Variants in TDRD9 observed in about 807,000 individuals in gnomAD.
The protein encoded by TDRD9 is tudor domain containing 9.
A neutral mutation model predicts 172.6 loss-of-function variants in TDRD9; 124 were observed. The ratio of observed to expected loss-of-function variants is 0.72; its 90% CI spans 0.62 to 0.83. The LOEUF (loss-of-function observed/expected upper bound fraction) is 0.83, where lower values mean the gene tolerates loss of function less well. Among genes scored for constraint, TDRD9 ranks in the 40% least tolerant of loss-of-function variants. The pLI, the probability that TDRD9 is intolerant of heterozygous loss-of-function variation, is 0.00. For synonymous variants in TDRD9, 619 were observed against 617.1 expected (o/e 1.00, Z -0.05); for missense variants, 1,479 against 1,714.1 (o/e 0.86, Z 2.42).
At chr14:103,941,669 C>A in intron 1 of TDRD9, 1 of 1,520,578 alleles carries the variant, frequency 6.6e-7, no homozygotes, top group South Asian at 1.2e-5. Flanking sequence ...CGTTTTTGGG[C>A]CATTTCATCC....
chr14:104,031,607 G>A (rs1009395563), intron 29 of TDRD9, among the ~76,000 whole-genome samples: 2 of 151,026 alleles, frequency 1.3e-5, no homozygotes, highest in African/African-American at 2.4e-5. Context: ...GGTGCTGCCC[G>A]CCTGCTTGGA....
chr14:104,050,169 C>T (rs1282270983), intron 35 of TDRD9, among the ~76,000 whole-genome samples: 1 of 152,174 alleles, frequency 6.6e-6, no homozygotes, highest in Non-Finnish European at 1.5e-5. Flanking sequence ...TTTGTGGGTC[C>T]TTGTGAGGAC....
intron 2 of TDRD9, among the ~76,000 whole-genome samples, chr14:103,960,176 G>A (rs1357662903): frequency 1.3e-5 from 2 of 152,212 alleles, no homozygotes; most frequent in South Asian, 2.1e-4. Context: ...CAGTAATCCA[G>A]TAATTAAAAT....
In TDRD9 at chr14:104,037,151, T is replaced by G. The variant is rs147047376; in HGVS notation, c.3716+2095T>G. Among the ~76,000 whole-genome samples the G allele has an allele frequency of 7.7e-3, 1,176 of 152,276 alleles. 14 individuals carry two copies. The highest frequency in any genetic ancestry group is 0.027 in the African/African-American group (1,107 of 41,548). ...CTTTCACTTTAAATATGCAGTCTTC[T>G]GCAGCGAGCAGGAGGGGGGTCTTCA... On this transcript the variant is annotated intron_variant, in intron 32 of 35. Transcript: ENST00000409874.
At chr14:104,033,357 G>C (rs2035344648) in intron 30 of TDRD9, among the ~76,000 whole-genome samples, 1 of 152,212 alleles carries the variant, frequency 6.6e-6, no homozygotes, top group Non-Finnish European at 1.5e-5. Flanking sequence ...TCCTCAGGCA[G>C]TATTGTGCTT....
At position 104,031,998 on chromosome 14, in the gene TDRD9, C is replaced by T. The variant is rs200327948; in HGVS notation, c.3439-19C>T. On this transcript the variant is annotated intron_variant, in intron 29 of 35. Transcript: ENST00000409874. ...TTATCTTGCTTATTGGTAACACTTC[C>T]TATATTTTGTGCACGCAGGCAGAAC... 5,074 of 1,528,368 alleles carry T rather than the reference C, an allele frequency of 3.3e-3. 16 individuals carry two copies. Among genetic ancestry groups the T allele is most frequent in the Non-Finnish European group, 3.6e-3 (4,043 of 1,133,246 alleles). The allele number at this position is 1,528,368 out of a possible 1,614,324, so 94.7% of individuals were successfully genotyped here.
intron 7 of TDRD9, among the ~76,000 whole-genome samples, chr14:103,986,014 A>G (rs2033645835): frequency 6.6e-6 from 1 of 152,326 alleles, no homozygotes; most frequent in South Asian, 2.1e-4. Context: ...ATTGATGAGT[A>G]TGGCACTTTA....
At chr14:103,970,689 C>A (rs1404738414) in intron 6 of TDRD9, 68 bp downstream of exon 6, 9 of 1,306,130 alleles carry the variant, frequency 6.9e-6, no homozygotes, top group Non-Finnish European at 9.7e-6. Context: ...TTGTTTCTCT[C>A]TATAGTCTGT....
Position 104,005,379 on chromosome 14 carries a change from G to T in TDRD9, c.1687G>T (p.Glu563Ter). ...TTCCCCGCCTGGTCTGAGTGACATT[G>T]AGCGCACCATCCTTCTACTAAAGGA... is the stretch of plus-strand genomic sequence containing the variant. ...ALSPPGLSDI[E>*]RTILLLKEVG... The change falls in exon 15 of 36, where the codon GAG (glutamate) becomes TAG (stop). Residue 563 changes from glutamate to a stop codon, truncating the protein, a stop_gained. Coordinates refer to ENST00000409874, the MANE Select transcript of TDRD9 (RefSeq NM_153046.3). LOFTEE classifies it high-confidence loss of function. 1 of 1,613,944 alleles carries T rather than the reference G, an allele frequency of 6.2e-7. No homozygotes were observed. Among genetic ancestry groups the T allele is most frequent in the South Asian group, 1.1e-5 (1 of 91,064 alleles).
Position 104,026,987 on chromosome 14 carries a change from CG to C in TDRD9, c.3282+52del, listed in dbSNP as rs749520118. ...GAGCACGCGTTTGTGTGAGAGAGAA[CG>C]GGGCAGGCTTTCCTTCCTCTGTGGA... On this transcript the variant is annotated intron_variant, in intron 28 of 35. Coordinates refer to ENST00000409874, the MANE Select transcript of TDRD9 (RefSeq NM_153046.3). The C allele has an allele frequency of 1.9e-6, 3 of 1,588,590 alleles. No individual in the cohort carries two copies. In the South Asian group the frequency reaches 3.4e-5, roughly 18 times the overall value.
intron 23 of TDRD9, among the ~76,000 whole-genome samples, chr14:104,019,676 C>T (rs538481214): frequency 6.6e-6 from 1 of 152,232 alleles, no homozygotes; most frequent in African/African-American, 2.4e-5. Flanking sequence ...GCAGGGGTGA[C>T]TTCATGTAGA....
At chr14:103,957,126 A>G (rs2032286921) in intron 2 of TDRD9, among the ~76,000 whole-genome samples, 1 of 152,158 alleles carries the variant, frequency 6.6e-6, no homozygotes, top group Non-Finnish European at 1.5e-5. Context: ...AGTACCTTTT[A>G]ATTAGTCTAG....
intron 25 of TDRD9, among the ~76,000 whole-genome samples, chr14:104,025,346 G>T (rs959631792): frequency 3.3e-5 from 5 of 152,154 alleles, no homozygotes; most frequent in Admixed American, 2.6e-4. Flanking sequence ...GCCAAGAAAA[G>T]GATATATTCC....
intron 5 of TDRD9, among the ~76,000 whole-genome samples, chr14:103,967,871 T>C (rs948763905): frequency 1.3e-5 from 2 of 152,194 alleles, no homozygotes; most frequent in Non-Finnish European, 1.5e-5. Flanking sequence ...AAAGATGGCA[T>C]TATGAAGGTT....
intron 13 of TDRD9, among the ~76,000 whole-genome samples, chr14:104,003,428 C>T (rs963379082): frequency 6.6e-6 from 1 of 152,026 alleles, no homozygotes; most frequent in Non-Finnish European, 1.5e-5. Context: ...ATTGGTTCAC[C>T]CCTCTTGACC....
At chr14:103,973,939 T>C (rs1359648189) in intron 6 of TDRD9, among the ~76,000 whole-genome samples, 14 of 152,218 alleles carry the variant, frequency 9.2e-5, no homozygotes, top group Non-Finnish European at 2.9e-5. Context: ...GGCTCATGCC[T>C]GTAATCCCAG....
chr14:104,050,704 C>T (rs1010309718), intron 35 of TDRD9, among the ~76,000 whole-genome samples: 5 of 152,188 alleles, frequency 3.3e-5, no homozygotes, highest in African/African-American at 9.7e-5. Context: ...TCCTGGCAGC[C>T]GGCCCCATTG....
rs2033652964 is a variant in TDRD9 at position 103,986,200 on chromosome 14, T to G, written c.1012-17T>G. 7 of 1,607,034 alleles carry G rather than the reference T, an allele frequency of 4.4e-6. No homozygotes were observed. The highest frequency in any genetic ancestry group is 6.0e-6 in the Non-Finnish European group (7 of 1,174,650). ...TCCTGTTTTCGTATTGCGACTTTTT[T>G]CTTTCACTGTTTTTAGCTCTCTCCT... On this transcript the variant is annotated splice_polypyrimidine_tract_variant and intron_variant, in intron 7 of 35. Transcript: ENST00000409874.
chr14:104,034,066 A>C lies in TDRD9; in HGVS notation c.3616A>C (p.Thr1206Pro). The change falls in exon 31 of 36, where the codon ACT becomes CCT. Residue 1206 changes from threonine to proline, a missense_variant. By Grantham distance (38) the Thr-to-Pro change is conservative. Around this residue, in one of 3 missense-constraint regions of TDRD9, gnomAD observed 1,413 missense variants for 1,649.1 expected, o/e 0.86. Coordinates refer to ENST00000409874, the MANE Select transcript of TDRD9 (RefSeq NM_153046.3). ...LVAASLSINA[T>P]GSTMLLRETS... ...TGCAGCTTCCCTTTCCATCAATGCG[A>C]CTGGTAATTTAAAGATCCTGTTTAT... 1 of 1,544,256 alleles carries C rather than the reference A, an allele frequency of 6.5e-7. No homozygotes were observed. The highest frequency in any genetic ancestry group is 8.8e-7 in the Non-Finnish European group (1 of 1,140,408).
Sources: allele counts gnomAD v4.1 joint callset (sites outside exome capture counted in the v4.1 genomes callset), GRCh38; gene constraint gnomAD v4.1.1; regional missense constraint gnomAD v4.1.1; transcripts MANE v1.5; gene names NCBI Gene and HGNC (gene_info 2026-07-23, HGNC 2026-07-21).